ZNF331: variants seen among roughly 807,000 people sequenced by gnomAD.
ZNF331 encodes the protein C2H2-like zinc finger protein rearranged in thyroid adenomas.
ZNF331 carries 2 observed loss-of-function variants against 7.0 expected under a neutral mutation model. The observed-to-expected ratio is 0.29, with a 90% confidence interval of 0.12 to 0.90. ZNF331 has a LOEUF of 0.90. Ranked by LOEUF, ZNF331 falls within the 40% of genes least tolerant of loss-of-function variation. ZNF331 has a pLI of 0.58. For missense variants in ZNF331, 432 were observed against 587.7 expected, an observed-to-expected ratio of 0.74 and a Z score of 2.74; for synonymous variants, 196 against 205.4, an observed-to-expected ratio of 0.95 and a Z score of 0.39.
At position 53,544,507 on chromosome 19, in the gene ZNF331, T is replaced by C. The variant is rs534060302; in HGVS notation, c.-138+5225T>C. Among the ~76,000 whole-genome samples the C allele has an allele frequency of 6.3e-4, 91 of 143,962 alleles. 1 individual carries two copies. The highest frequency in any genetic ancestry group is 1.9e-3 in the African/African-American group (72 of 38,084). The allele number at this position is 143,962 out of a possible 152,430, so 94.4% of individuals were successfully genotyped here. On this transcript the variant is annotated intron_variant, in intron 2 of 5. Coordinates refer to ENST00000449416, the MANE Select transcript of ZNF331 (RefSeq NM_001079906.2). ...TTGCAGTGAGCCGAGATCACGCCAC[T>C]GCACTCCAGCCTGGGCGACAGAGCA...
intron 2 of ZNF331, among the ~76,000 whole-genome samples, chr19:53,543,345 C>A (rs2147344717): frequency 6.6e-6 from 1 of 152,244 alleles, no homozygotes; most frequent in African/African-American, 2.4e-5. Context: ...GTTCACTGAA[C>A]CTCCACCTTC....
At chr19:53,553,313 A>T (rs2089135377) in intron 2 of ZNF331, among the ~76,000 whole-genome samples, 1 of 151,210 alleles carries the variant, frequency 6.6e-6, no homozygotes, top group Non-Finnish European at 1.5e-5. Context: ...AAAAAAAATT[A>T]GTGTCTTGAA....
intron 2 of ZNF331, chr19:53,555,398 C>T (rs2089324652): frequency 6.6e-6 from 1 of 152,518 alleles, no homozygotes; most frequent in Non-Finnish European, 1.5e-5. Context: ...GATGGATGAT[C>T]GGGCCTTCTG....
In ZNF331 at chr19:53,578,622, C is replaced by G. The variant is rs907364238; in HGVS notation, c.*670C>G. On this transcript the variant is annotated 3_prime_UTR_variant, in exon 6 of 6. Coordinates refer to ENST00000449416, the MANE Select transcript of ZNF331 (RefSeq NM_001079906.2). ...ATCGTATATATGTACAGGAAAAAAACGTACTATCTGTGGTTTCAGGTGTCC... is the reference window on the plus strand; with the variant it reads ...ATCGTATATATGTACAGGAAAAAAAGGTACTATCTGTGGTTTCAGGTGTCC... 3.4e-5 allele frequency: 7 copies of G among 204,142 alleles called. No individual in the cohort carries two copies. Among genetic ancestry groups the G allele is most frequent in the African/African-American group, 1.4e-4 (6 of 43,648 alleles). The allele number at this position is 204,142 out of a possible 1,614,324, so 12.6% of individuals were successfully genotyped here. A position where few individuals can be genotyped will look rare whatever the true frequency, so the allele number is the denominator to read the frequency against.
At chr19:53,504,575 T>A in the ZNF331 span, among the ~76,000 whole-genome samples, 1 of 152,266 alleles carries the variant, frequency 6.6e-6, no homozygotes, top group East Asian at 1.9e-4. Flanking sequence ...CAAACACACG[T>A]GCCTCATCTC....
At chr19:53,535,636 C>T (rs1568468600), upstream of ZNF331, among the ~76,000 whole-genome samples, 2 of 152,060 alleles carry the variant, frequency 1.3e-5, no homozygotes, top group East Asian at 1.9e-4. Context: ...TGTTTCCTTG[C>T]TTTGAAAAAT....
At chr19:53,523,697 A>G (rs1332515594) in intron 2 of ZNF331, among the ~76,000 whole-genome samples, 2 of 151,720 alleles carry the variant, frequency 1.3e-5, no homozygotes, top group Non-Finnish European at 2.9e-5. Context: ...TAATGATGCA[A>G]TTCATTTGTC....
At chr19:53,519,580 T>A (rs2086990731), upstream of ZNF331, among the ~76,000 whole-genome samples, 1 of 152,212 alleles carries the variant, frequency 6.6e-6, no homozygotes, top group East Asian at 1.9e-4. Flanking sequence ...CGCCTGATCA[T>A]AAGAACATCT....
chr19:53,509,209 T>G, the ZNF331 span, among the ~76,000 whole-genome samples: 1 of 152,200 alleles, frequency 6.6e-6, no homozygotes, highest in Non-Finnish European at 1.5e-5. Context: ...GCCCTTTCGG[T>G]ACCCATCTGC....
the ZNF331 span, among the ~76,000 whole-genome samples, chr19:53,506,816 AATT>A: frequency 6.6e-6 from 1 of 152,084 alleles, no homozygotes; most frequent in African/African-American, 2.4e-5. Context: ...TACCAGAGGA[AATT>A]ATTCCAGTCT....
At chr19:53,506,422 C>G in the ZNF331 span, among the ~76,000 whole-genome samples, 33,951 of 75,888 alleles carry the variant, frequency 0.45, 5,882 homozygotes, top group South Asian at 0.55. Flanking sequence ...CTCTCTCTCT[C>G]TCTCTCTCTC....
At chr19:53,532,087 C>A (rs900932462) in intron 2 of ZNF331, among the ~76,000 whole-genome samples, 2 of 152,110 alleles carry the variant, frequency 1.3e-5, no homozygotes, top group African/African-American at 4.8e-5. Flanking sequence ...ATAACATACC[C>A]TTCACCTTAC....
At chr19:53,556,799 G>A (rs2089457636) in intron 3 of ZNF331, among the ~76,000 whole-genome samples, 2 of 151,642 alleles carry the variant, frequency 1.3e-5, no homozygotes, top group Admixed American at 1.3e-4. Context: ...CACCACATGT[G>A]GCTGTATATT....
At chr19:53,544,548 A>G (rs2088460902) in intron 2 of ZNF331, among the ~76,000 whole-genome samples, 1 of 149,650 alleles carries the variant, frequency 6.7e-6, no homozygotes, top group Non-Finnish European at 1.5e-5. Flanking sequence ...CCGTCTCAAA[A>G]AAAAAAAAAA....
intron 5 of ZNF331, among the ~76,000 whole-genome samples, chr19:53,572,608 ATAT>A (rs200919449): frequency 0.36 from 52,153 of 143,036 alleles, 10,107 homozygotes; most frequent in African/African-American, 0.48. Flanking sequence ...ATACACATAT[ATAT>A]TATATATACA....
intron 3 of ZNF331, among the ~76,000 whole-genome samples, chr19:53,556,291 A>G (rs2089423115): frequency 6.6e-6 from 1 of 151,648 alleles, no homozygotes; most frequent in Non-Finnish European, 1.5e-5. Context: ...GACGTTTTGT[A>G]AATATCCTAT....
At chr19:53,537,197 G>A (rs907221668), upstream of ZNF331, 1 of 152,278 alleles carries the variant, frequency 6.6e-6, no homozygotes, top group African/African-American at 2.4e-5. Flanking sequence ...CAAAAAGTGG[G>A]ATTTTGAGTC....
In ZNF331 at chr19:53,577,596, G is replaced by A. The variant is rs748897041; in HGVS notation, c.1036G>A (p.Glu346Lys). ...FRWGSSLVKH[E>K]RIHTGEKPYK... ...CTGGGGTTCGAGCCTCGTTAAGCAC[G>A]AGAGGATACATACGGGCGAGAAGCC... Residue 346 changes from glutamate (E) to lysine (K), a missense_variant, in exon 6 of 6, where the codon GAG becomes AAG. This residue lies in a region of ZNF331 where 312 missense variants were observed against 448.6 expected (regional missense o/e 0.70). Coordinates refer to ENST00000449416, the MANE Select transcript of ZNF331 (RefSeq NM_001079906.2). 9 of 1,613,576 alleles carry A rather than the reference G, an allele frequency of 5.6e-6. No individual in the cohort carries two copies. The Admixed American group carries it at 1.0e-4, about 18-fold the overall frequency.
chr19:53,535,734 G>A (rs1187563443), upstream of ZNF331, among the ~76,000 whole-genome samples: 1 of 151,688 alleles, frequency 6.6e-6, no homozygotes, highest in Admixed American at 6.6e-5. Flanking sequence ...TGCAAGTAAC[G>A]AATATTGACT....
Sources: allele counts gnomAD v4.1 joint callset (sites outside exome capture counted in the v4.1 genomes callset), GRCh38; gene constraint gnomAD v4.1.1; regional missense constraint gnomAD v4.1.1; transcripts MANE v1.5; gene names NCBI Gene and HGNC (gene_info 2026-07-23, HGNC 2026-07-21).